CHST15: variants seen among roughly 807,000 people sequenced by gnomAD.
The protein encoded by CHST15 is B cell RAG associated protein (GALNAC4S-6ST).
Under a neutral mutation model 53.6 loss-of-function variants are expected in CHST15, and 30 were observed. The ratio of observed to expected loss-of-function variants is 0.56; its 90% CI spans 0.42 to 0.76. CHST15 has a LOEUF of 0.76. CHST15 is among the 30% of genes least tolerant of loss of function. The probability of loss-of-function intolerance (pLI) is 0.00; values close to 1 mark genes in which losing one functional copy is unlikely to be tolerated. For synonymous variants in CHST15, 296 were observed against 289.8 expected, an observed-to-expected ratio of 1.02 and a Z score of -0.22; for missense variants, 627 against 740.5, an observed-to-expected ratio of 0.85 and a Z score of 1.78.
At chr10:124,030,454 A>G (rs2133914698) in intron 5 of CHST15, among the ~76,000 whole-genome samples, 1 of 152,282 alleles carries the variant, frequency 6.6e-6, no homozygotes, top group East Asian at 1.9e-4. Flanking sequence ...TAATCTTCCA[A>G]AATCTTAGAG....
intron 4 of CHST15, among the ~76,000 whole-genome samples, chr10:124,040,611 G>A (rs752439487): frequency 2.0e-5 from 3 of 152,208 alleles, no homozygotes; most frequent in African/African-American, 7.2e-5. Context: ...AAGAGGAAGC[G>A]CTGGGGCAGA....
intron 5 of CHST15, among the ~76,000 whole-genome samples, chr10:124,035,061 G>A (rs573549941): frequency 3.0e-4 from 41 of 136,622 alleles, no homozygotes; most frequent in African/African-American, 1.1e-3. Context: ...TAGGTACCCC[G>A]GCTCCACCCC....
intron 1 of CHST15, among the ~76,000 whole-genome samples, chr10:124,047,657 T>C (rs1194055209): frequency 1.3e-5 from 2 of 152,220 alleles, no homozygotes; most frequent in East Asian, 3.8e-4. Flanking sequence ...GTTTCCTCAA[T>C]AGTAAAATTA....
chr10:124,010,805 GCA>G (rs1438354879), intron 7 of CHST15: 46 of 985,336 alleles, frequency 4.7e-5, no homozygotes, highest in Admixed American at 6.1e-5. Flanking sequence ...CCCTGGGCCT[GCA>G]CAGTTTCACC....
chr10:124,085,997 T>G (rs910205260), intron 1 of CHST15, among the ~76,000 whole-genome samples: 40 of 152,034 alleles, frequency 2.6e-4, no homozygotes, highest in African/African-American at 9.4e-4. Context: ...GCACAGGCCC[T>G]GTGGGGGGCT....
intron 1 of CHST15, among the ~76,000 whole-genome samples, chr10:124,064,299 CACAGTTTTCAG>C (rs1296711071): frequency 6.6e-6 from 1 of 152,222 alleles, no homozygotes; most frequent in Non-Finnish European, 1.5e-5. Context: ...GATCAAAGCA[CACAGTTTTCAG>C]ACCTGAAGTC....
intron 1 of CHST15, among the ~76,000 whole-genome samples, chr10:124,049,934 G>T (rs1398107299): frequency 6.6e-6 from 1 of 152,110 alleles, no homozygotes; most frequent in Non-Finnish European, 1.5e-5. Context: ...GTCTGAGGCT[G>T]CCTCTGGTAG....
chr10:124,040,608 A>G (rs1304634740), intron 4 of CHST15, among the ~76,000 whole-genome samples: 1 of 152,218 alleles, frequency 6.6e-6, no homozygotes, highest in Non-Finnish European at 1.5e-5. Flanking sequence ...ACAAAGAGGA[A>G]GCGCTGGGGC....
chr10:124,066,762 C>T (rs1340175216), intron 1 of CHST15, among the ~76,000 whole-genome samples: 1 of 152,222 alleles, frequency 6.6e-6, no homozygotes, highest in Non-Finnish European at 1.5e-5. Flanking sequence ...CCTGGGCTGC[C>T]ATGCACCTCC....
intron 5 of CHST15, among the ~76,000 whole-genome samples, chr10:124,030,880 C>G (rs1157027336): frequency 4.6e-5 from 7 of 152,266 alleles, no homozygotes; most frequent in East Asian, 1.9e-4. Context: ...CAGCTCCCTT[C>G]TGTGTGTGCT....
Position 124,035,535 on chromosome 10 carries a change from G to A in CHST15, c.1190+2980C>T, listed in dbSNP as rs545300361. Among the ~76,000 whole-genome samples, 335 of 117,628 alleles carry A rather than the reference G, an allele frequency of 2.8e-3. 2 individuals carry two copies. The highest frequency in any genetic ancestry group is 0.01 in the African/African-American group (313 of 30,030). 77.2% of individuals were successfully genotyped at this position (117,628 alleles called of 152,430 possible). A position where few individuals can be genotyped will look rare whatever the true frequency, so the allele number is the denominator to read the frequency against. ...ATCCCCTAACAGGGACCCTGGCTCC[G>A]CCCCCTAACAGGGACCCTGGTTCCA... On this transcript the variant is annotated intron_variant, in intron 5 of 7. Coordinates refer to ENST00000435907, the MANE Select transcript of CHST15 (RefSeq NM_001270764.2).
chr10:124,045,634 CCAAT>C (rs760221386), intron 2 of CHST15, 29 bp downstream of exon 2: 15 of 1,515,100 alleles, frequency 9.9e-6, no homozygotes, highest in Admixed American at 4.6e-5. Flanking sequence ...TAAAAATCAA[CCAAT>C]CAGTCAAGAT....
At chr10:124,082,272 A>G (rs962586354) in intron 1 of CHST15, among the ~76,000 whole-genome samples, 1 of 152,210 alleles carries the variant, frequency 6.6e-6, no homozygotes, top group African/African-American at 2.4e-5. Flanking sequence ...GTAAGAGTTT[A>G]GGGAGAACTT....
In CHST15 at chr10:124,065,512, C is replaced by G. The variant is rs758441782; in HGVS notation, c.-512-18788G>C. 5.7e-4 allele frequency among the ~76,000 whole-genome samples: 87 copies of G among 152,336 alleles called. 1 individual carries two copies. The highest frequency in any genetic ancestry group is 9.7e-4 in the Non-Finnish European group (66 of 68,028). On this transcript the variant is annotated intron_variant, in intron 1 of 7. Coordinates refer to ENST00000435907, the MANE Select transcript of CHST15 (RefSeq NM_001270764.2). ...TCAGGCAAATTGTTGTCACCCAACC[C>G]TGCTGTGGGACTGCTGGGGGTTGGC...
At chr10:124,069,054 A>C (rs149643717) in intron 1 of CHST15, among the ~76,000 whole-genome samples, 74 of 152,368 alleles carry the variant, frequency 4.9e-4, no homozygotes, top group Non-Finnish European at 9.1e-4. Context: ...AGGACTAGGC[A>C]GGATGAGAAT....
chr10:124,026,698 C>T (rs1947026121), intron 5 of CHST15, among the ~76,000 whole-genome samples: 2 of 152,166 alleles, frequency 1.3e-5, no homozygotes, highest in Non-Finnish European at 2.9e-5. Flanking sequence ...AGGGTGGAGC[C>T]AGGCGACAGG....
Position 124,046,303 on chromosome 10 carries a change from T to A in CHST15, c.-91A>T. On this transcript the variant is annotated 5_prime_UTR_variant, in exon 2 of 8. Coordinates refer to ENST00000435907, the MANE Select transcript of CHST15 (RefSeq NM_001270764.2). ...GTCCGCAAGTCGTGCTAGAAAACCT[T>A]AAGAATGCCTTGTGATCACAGAAGA... 8.2e-7 allele frequency: 1 copy of A among 1,224,354 alleles called. No homozygotes were observed. 75.8% of individuals were successfully genotyped at this position (1,224,354 alleles called of 1,614,324 possible). A position where few individuals can be genotyped will look rare whatever the true frequency, so the allele number is the denominator to read the frequency against.
At position 124,046,222 on chromosome 10, in the gene CHST15, A is replaced by C. The variant is rs1472236505; in HGVS notation, c.-10T>G. 1.9e-6 allele frequency: 3 copies of C among 1,583,016 alleles called. No homozygotes were observed. The highest frequency in any genetic ancestry group is 2.7e-5 in the African/African-American group (2 of 74,454). On this transcript the variant is annotated 5_prime_UTR_variant, in exon 2 of 8. Transcript: ENST00000435907. ...TAATGCAGTGCCTCATGGTAGTGCC[A>C]GTGCCCTGGGCTGCTGGCTTACCGA... is the stretch of plus-strand genomic sequence containing the variant.
At chr10:124,020,014 C>T (rs1946718070) in intron 6 of CHST15, 1 of 985,718 alleles carries the variant, frequency 1.0e-6, no homozygotes, top group Non-Finnish European at 1.2e-6. Context: ...AAGCCCCGTT[C>T]TCAGGTGGTT....
Sources: allele counts gnomAD v4.1 joint callset (sites outside exome capture counted in the v4.1 genomes callset), GRCh38; gene constraint gnomAD v4.1.1; transcripts MANE v1.5; gene names NCBI Gene and HGNC (gene_info 2026-07-23, HGNC 2026-07-21).